PDZD2: variants seen among roughly 807,000 people sequenced by gnomAD.
PDZD2 encodes the protein PDZ domain containing 2.
A neutral mutation model predicts 220.7 loss-of-function variants in PDZD2; 90 were observed. The observed-to-expected ratio is 0.41, with a 90% CI of 0.34 to 0.49. PDZD2 has a LOEUF of 0.49. PDZD2 is among the 20% of genes least tolerant of loss of function. The pLI is 0.28. For synonymous variants in PDZD2, 1,375 were observed against 1,450.5 expected, an observed-to-expected ratio of 0.95 and a Z score of 1.18; for missense variants, 3,174 against 3,608.5, an observed-to-expected ratio of 0.88 and a Z score of 3.08.
At chr5:32,035,360 A>C (rs1161370318) in intron 6 of PDZD2, among the ~76,000 whole-genome samples, 1 of 151,986 alleles carries the variant, frequency 6.6e-6, no homozygotes, top group Non-Finnish European at 1.5e-5. Context: ...TCCCAGGTTC[A>C]AGTGATTCTC....
At chr5:31,936,122 GGA>G (rs1281755275) in intron 2 of PDZD2, 21 of 987,446 alleles carry the variant, frequency 2.1e-5, no homozygotes, top group Non-Finnish European at 2.4e-5. Flanking sequence ...GAAGCCGGGA[GGA>G]GAGAGAGAGA....
intron 14 of PDZD2, among the ~76,000 whole-genome samples, chr5:32,069,244 TAA>T (rs1740523947): frequency 7.5e-6 from 1 of 133,186 alleles, no homozygotes; most frequent in Non-Finnish European, 1.5e-5. Context: ...CCAGCTTGGG[TAA>T]CAGAGAGACT....
chr5:32,045,158 A>C (rs1737807020), intron 7 of PDZD2, among the ~76,000 whole-genome samples: 1 of 152,226 alleles, frequency 6.6e-6, no homozygotes, highest in African/African-American at 2.4e-5. Context: ...TAAGCATGCC[A>C]AGAGAGATTA....
At chr5:32,019,375 C>A (rs1363909892) in intron 6 of PDZD2, among the ~76,000 whole-genome samples, 1 of 152,144 alleles carries the variant, frequency 6.6e-6, no homozygotes, top group Admixed American at 6.5e-5. Flanking sequence ...AACTCCTGGG[C>A]TCAAGCAATC....
intron 1 of PDZD2, among the ~76,000 whole-genome samples, chr5:31,748,729 C>T (rs547210826): frequency 1.7e-4 from 26 of 152,332 alleles, no homozygotes; most frequent in Non-Finnish European, 2.6e-4. Flanking sequence ...TCTGATCACA[C>T]GCTTGGTTGG....
intron 1 of PDZD2, among the ~76,000 whole-genome samples, chr5:31,694,128 C>T (rs919517179): frequency 6.6e-6 from 1 of 152,144 alleles, no homozygotes; most frequent in Non-Finnish European, 1.5e-5. Flanking sequence ...AGGCCGGGTG[C>T]GGTGGCAATC....
chr5:32,060,107 G>T (rs968617324), intron 13 of PDZD2, among the ~76,000 whole-genome samples: 3 of 151,964 alleles, frequency 2.0e-5, no homozygotes, highest in African/African-American at 7.3e-5. Flanking sequence ...ATTCATTGAG[G>T]TTGCCATTTT....
chr5:31,796,689 C>T (rs941295954), intron 1 of PDZD2, among the ~76,000 whole-genome samples: 2 of 152,096 alleles, frequency 1.3e-5, no homozygotes, highest in Non-Finnish European at 1.5e-5. Flanking sequence ...ATGTATCTCC[C>T]CACTAGACTA....
chr5:32,105,580 C>CCTCT (rs1374866104), intron 24 of PDZD2, among the ~76,000 whole-genome samples: 1 of 152,018 alleles, frequency 6.6e-6, no homozygotes, highest in East Asian at 1.9e-4. Flanking sequence ...ATAAATTACA[C>CCTCT]CTCTCTCTAT....
At chr5:31,839,161 T>A (rs1757122526) in intron 2 of PDZD2, among the ~76,000 whole-genome samples, 1 of 152,192 alleles carries the variant, frequency 6.6e-6, no homozygotes, top group South Asian at 2.1e-4. Context: ...TTTCAATTCT[T>A]TTACTCCCCT....
intron 2 of PDZD2, among the ~76,000 whole-genome samples, chr5:31,849,921 T>C (rs56309403): frequency 0.076 from 1,292 of 16,938 alleles, 281 homozygotes; most frequent in Non-Finnish European, 0.11. Flanking sequence ...TATATATACA[T>C]ATATATATAT....
chr5:31,870,233 A>G (rs1273558798), intron 2 of PDZD2, among the ~76,000 whole-genome samples: 4 of 152,176 alleles, frequency 2.6e-5, no homozygotes, highest in Admixed American at 2.6e-4. Context: ...GTGGAAAATA[A>G]GTTATATAGC....
rs1333400207 is a variant in PDZD2 at position 32,032,141 on chromosome 5, T to A, written c.1408-5090T>A. 3.3e-5 allele frequency among the ~76,000 whole-genome samples: 5 copies of A among 152,114 alleles called. No individual in the cohort carries two copies. In the East Asian group the frequency reaches 7.7e-4, roughly 23 times the overall value. The stretch of plus-strand genomic sequence containing the variant: ...TTTCTTCTCTTCTTCATTTCTGAAG[T>A]AAACGTGGGGGAGAGCAGGAAGAAC... On this transcript the variant is annotated intron_variant, in intron 6 of 24. Coordinates refer to ENST00000438447, the MANE Select transcript of PDZD2 (RefSeq NM_178140.4).
chr5:32,076,805 G>C (rs1561520677), intron 18 of PDZD2, among the ~76,000 whole-genome samples: 1 of 152,166 alleles, frequency 6.6e-6, no homozygotes, highest in Non-Finnish European at 1.5e-5. Flanking sequence ...ACTCTATCTA[G>C]GTTTCCCTCA....
intron 2 of PDZD2, among the ~76,000 whole-genome samples, chr5:31,965,070 G>C (rs1345750995): frequency 1.3e-5 from 2 of 152,180 alleles, no homozygotes; most frequent in Non-Finnish European, 2.9e-5. Context: ...ATAGGGCTCC[G>C]ATGAGTGGAG....
At position 31,846,220 on chromosome 5, in the gene PDZD2, G is replaced by A. The variant is rs575414524; in HGVS notation, c.476+46496G>A. ...GCAATCTCGCCTCACTGCAACCTCCGCATCCCGGGTTCAAGTGATTCTCCT... is the reference window on the plus strand; with the variant it reads ...GCAATCTCGCCTCACTGCAACCTCCACATCCCGGGTTCAAGTGATTCTCCT... On this transcript the variant is annotated intron_variant, in intron 2 of 24. Coordinates refer to ENST00000438447, the MANE Select transcript of PDZD2 (RefSeq NM_178140.4). Among the ~76,000 whole-genome samples, 39 of 152,274 alleles carry A rather than the reference G, an allele frequency of 2.6e-4. No individual in the cohort carries two copies. The South Asian group carries it at 7.0e-3, about 28-fold the overall frequency.
intron 2 of PDZD2, among the ~76,000 whole-genome samples, chr5:31,968,055 T>A (rs1453349997): frequency 6.6e-6 from 1 of 152,162 alleles, no homozygotes; most frequent in African/African-American, 2.4e-5. Context: ...TAATCCCCCA[T>A]GCAAAAGTAT....
At chr5:32,011,621 G>A (rs566405806) in intron 6 of PDZD2, among the ~76,000 whole-genome samples, 2 of 152,132 alleles carry the variant, frequency 1.3e-5, no homozygotes, top group African/African-American at 4.8e-5. Context: ...TGTGGGGTGG[G>A]TGGGTGCCCT....
At chr5:31,740,831 T>C (rs549798758) in intron 1 of PDZD2, among the ~76,000 whole-genome samples, 18 of 152,342 alleles carry the variant, frequency 1.2e-4, no homozygotes, top group Non-Finnish European at 2.6e-4. Context: ...ATGAGTTATC[T>C]ATTTGTAAAC....
Sources: gnomAD v4.1 joint callset for allele counts (sites outside exome capture counted in the v4.1 genomes callset) on GRCh38, gnomAD v4.1.1 for gene constraint, MANE v1.5 for transcripts, NCBI Gene and HGNC (gene_info 2026-07-23, HGNC 2026-07-21) for gene names.